Variants in TLN2 observed in about 807,000 individuals in gnomAD.
TLN2 encodes talin 2.
TLN2 carries 118 observed loss-of-function variants against 294.7 expected under a neutral mutation model. That is an observed-to-expected ratio of 0.40 (90% CI 0.34 to 0.47). The LOEUF (loss-of-function observed/expected upper bound fraction) is 0.47. Among genes scored for constraint, TLN2 ranks in the 20% least tolerant of loss-of-function variants. The probability of loss-of-function intolerance (pLI) is 0.84; values close to 1 mark genes in which losing one functional copy is unlikely to be tolerated. For synonymous variants in TLN2, 1,431 were observed against 1,304.5 expected, an observed-to-expected ratio of 1.10 and a Z score of -2.09; for missense variants, 3,083 against 3,282.2, an observed-to-expected ratio of 0.94 and a Z score of 1.48.
intron 16 of TLN2, 69 bp downstream of exon 16, chr15:62,698,936 C>A: frequency 7.2e-7 from 1 of 1,395,220 alleles, no homozygotes. Context: ...TATACTCTGT[C>A]GGGATTCATC....
intron 1 of TLN2, among the ~76,000 whole-genome samples, chr15:62,583,979 A>G (rs1003946472): frequency 2.6e-5 from 4 of 152,162 alleles, no homozygotes; most frequent in African/African-American, 9.7e-5. Context: ...CCCTCCTAGT[A>G]AGCATATATT....
At chr15:62,601,240 C>G (rs972981850) in intron 2 of TLN2, among the ~76,000 whole-genome samples, 1 of 152,118 alleles carries the variant, frequency 6.6e-6, no homozygotes, top group Non-Finnish European at 1.5e-5. Flanking sequence ...TGGGTAGAGG[C>G]CACAGATGCT....
At chr15:62,702,376 T>C (rs1240409523) in intron 18 of TLN2, among the ~76,000 whole-genome samples, 176 bp downstream of exon 18, 1 of 151,972 alleles carries the variant, frequency 6.6e-6, no homozygotes, top group Non-Finnish European at 1.5e-5. Flanking sequence ...CATTCAGGAG[T>C]GGTTGAGCTC....
In TLN2 at chr15:62,629,797, G is replaced by A. The variant is rs2049613325; in HGVS notation, c.-37+11322G>A. On this transcript the variant is annotated intron_variant, in intron 3 of 58. Transcript: ENST00000636159. ...ATTTTGTTTTTGGGACCCAACAAAA[G>A]GCAAATATTAAATTATTTTAAAATA... Among the ~76,000 whole-genome samples the A allele has an allele frequency of 2.0e-5, 3 of 152,284 alleles. No individual in the cohort carries two copies. In the South Asian group the frequency reaches 6.2e-4, roughly 32 times the overall value.
intron 1 of TLN2, among the ~76,000 whole-genome samples, chr15:62,461,470 G>A (rs549015847): frequency 1.9e-3 from 284 of 152,320 alleles, no homozygotes; most frequent in Middle Eastern, 6.8e-3. Context: ...GTGATGTATA[G>A]AGCAATACGA....
rs1343228817 is a variant in TLN2, at chr15:62,841,370, TCA to T, written c.*765_*766del. 8.5e-5 allele frequency: 13 copies of T among 152,384 alleles called. No individual in the cohort carries two copies. The highest frequency in any genetic ancestry group is 3.1e-4 in the African/African-American group (13 of 41,550). The allele number at this position is 152,384 out of a possible 1,614,324, so 9.4% of individuals were successfully genotyped here. A position where few individuals can be genotyped will look rare whatever the true frequency, so the allele number is the denominator to read the frequency against. Reference sequence around the variant, plus strand: ...CTTACCCTGCAGAGGCTGTTTCAGCTCACACAGAGTCATCCACACAAACCCAC... The same window carrying T: ...CTTACCCTGCAGAGGCTGTTTCAGCTCACAGAGTCATCCACACAAACCCAC... On this transcript the variant is annotated 3_prime_UTR_variant, in exon 59 of 59. Coordinates refer to ENST00000636159, the MANE Select transcript of TLN2 (RefSeq NM_015059.3).
At chr15:62,759,991 C>G (rs1025967817) in intron 37 of TLN2, among the ~76,000 whole-genome samples, 1 of 152,220 alleles carries the variant, frequency 6.6e-6, no homozygotes, top group African/African-American at 2.4e-5. Context: ...ATCACAGTAC[C>G]AAAGTGGTTC....
intron 1 of TLN2, among the ~76,000 whole-genome samples, chr15:62,441,238 T>C (rs1595810647): frequency 6.6e-6 from 1 of 152,204 alleles, no homozygotes; most frequent in Admixed American, 6.5e-5. Flanking sequence ...TATTTACTTA[T>C]CTAATATTTT....
intron 1 of TLN2, among the ~76,000 whole-genome samples, chr15:62,429,089 C>T (rs2034869852): frequency 1.5e-5 from 2 of 129,826 alleles, no homozygotes; most frequent in African/African-American, 2.9e-5. Flanking sequence ...GTCACCAGGC[C>T]AGAGCTTGTG....
chr15:62,707,655 T>C (rs1390236678), intron 20 of TLN2, among the ~76,000 whole-genome samples: 1 of 152,180 alleles, frequency 6.6e-6, no homozygotes, highest in Non-Finnish European at 1.5e-5. Flanking sequence ...GGGATTTTAA[T>C]TGTTGCCAGG....
In TLN2 at chr15:62,519,013, C is replaced by A. The variant is rs905009607; in HGVS notation, c.-237-70674C>A. On this transcript the variant is annotated intron_variant, in intron 1 of 58. Transcript: ENST00000636159. ...TAGAAATATTAACTTGTTTAAACTT[C>A]ACAGCAATTCTAAGAGGTAGCTACT... Among the ~76,000 whole-genome samples, 79 of 152,196 alleles carry A rather than the reference C, an allele frequency of 5.2e-4. 1 individual carries two copies. Among genetic ancestry groups the A allele is most frequent in the Non-Finnish European group, 1.2e-4 (8 of 68,046 alleles).
chr15:62,641,789 G>C (rs2051144232), intron 3 of TLN2, among the ~76,000 whole-genome samples: 1 of 152,190 alleles, frequency 6.6e-6, no homozygotes, highest in Non-Finnish European at 1.5e-5. Flanking sequence ...ACCAGCTCAA[G>C]TCACGCAGCT....
intron 16 of TLN2, among the ~76,000 whole-genome samples, chr15:62,700,072 A>C (rs1468786382): frequency 6.6e-6 from 1 of 152,210 alleles, no homozygotes; most frequent in African/African-American, 2.4e-5. Context: ...GGTTGCTGGT[A>C]AACTCAGCGC....
At chr15:62,416,962 G>T (rs140359152) in intron 1 of TLN2, among the ~76,000 whole-genome samples, 1 of 152,108 alleles carries the variant, frequency 6.6e-6, no homozygotes, top group Non-Finnish European at 1.5e-5. Flanking sequence ...CCATTTCTCC[G>T]CTTCCTATCT....
In TLN2 at chr15:62,806,211, C is replaced by T. The variant is rs181812278; in HGVS notation, c.6663+426C>T. ...CTGTCCGTTTAAAAAAAAAAATGCA[C>T]GCTGAATATGGCATACGCACCAGCC... On this transcript the variant is annotated intron_variant, in intron 51 of 58. Coordinates refer to ENST00000636159, the MANE Select transcript of TLN2 (RefSeq NM_015059.3). 6.6e-5 allele frequency among the ~76,000 whole-genome samples: 10 copies of T among 152,126 alleles called. No individual in the cohort carries two copies. In the East Asian group the frequency reaches 7.7e-4, roughly 12 times the overall value.
chr15:62,539,657 C>A (rs1004986367), intron 1 of TLN2, among the ~76,000 whole-genome samples: 1 of 152,014 alleles, frequency 6.6e-6, no homozygotes, highest in Non-Finnish European at 1.5e-5. Context: ...CTGGTGGGGC[C>A]GGGTGGGTAA....
intron 36 of TLN2, chr15:62,755,266 C>T (rs758757865): frequency 1.6e-5 from 6 of 363,706 alleles, no homozygotes; most frequent in Non-Finnish European, 2.5e-5. Flanking sequence ...TAACTGATTA[C>T]ATCTCCTTTA....
chr15:62,430,647 A>G (rs951825192), intron 1 of TLN2, among the ~76,000 whole-genome samples: 1 of 152,208 alleles, frequency 6.6e-6, no homozygotes, highest in African/African-American at 2.4e-5. Context: ...GACTTAGTCA[A>G]ACGAACCAAT....
chr15:62,407,467 T>G (rs891786986), intron 1 of TLN2, among the ~76,000 whole-genome samples: 17 of 152,174 alleles, frequency 1.1e-4, no homozygotes, highest in Admixed American at 5.2e-4. Flanking sequence ...ATATTTTTAT[T>G]GTTTCCCCCG....
Sources: allele counts gnomAD v4.1 joint callset (sites outside exome capture counted in the v4.1 genomes callset), GRCh38; gene constraint gnomAD v4.1.1; transcripts MANE v1.5; gene names NCBI Gene and HGNC (gene_info 2026-07-23, HGNC 2026-07-21).